Variants in LAMA5 observed in about 807,000 individuals in gnomAD.
LAMA5 encodes laminin subunit alpha 5.
In LAMA5, 260 loss-of-function variants were observed where a neutral mutation model predicts 433.4. The observed-to-expected ratio is 0.60, with a 90% confidence interval of 0.54 to 0.66. The LOEUF (loss-of-function observed/expected upper bound fraction) is 0.66. Ranked by LOEUF, LAMA5 falls within the 30% of genes least tolerant of loss-of-function variation. The probability of loss-of-function intolerance (pLI) is 0.00; values close to 1 mark genes in which losing one functional copy is unlikely to be tolerated. For missense variants in LAMA5, 5,378 were observed against 5,258.5 expected (o/e 1.02, Z -0.70); for synonymous variants, 2,620 against 2,226.6 (o/e 1.18, Z -4.97).
Position 62,327,258 on chromosome 20 carries a change from G to A in LAMA5, c.5087C>T (p.Ala1696Val). Residue 1696 changes from alanine (A) to valine (V), a missense_variant, in exon 38 of 80, where the codon GCC becomes GTC. By Grantham distance (64) the Ala-to-Val change is moderately conservative. Coordinates refer to ENST00000252999, the MANE Select transcript of LAMA5 (RefSeq NM_005560.6). ...CCGGTCCCCCAGGTAGGAGGGTGGG[G>A]CCTGCCAGTACAGCTCGGGGAAAGC... ...PEAFPELYWQAPPSYLGDRVS... is the reference protein window; with the variant it reads ...PEAFPELYWQVPPSYLGDRVS... 1 of 1,529,338 alleles carries A rather than the reference G, an allele frequency of 6.5e-7. No homozygotes were observed. The highest frequency in any genetic ancestry group is 8.8e-7 in the Non-Finnish European group (1 of 1,140,052). 94.7% of individuals were successfully genotyped at this position (1,529,338 alleles called of 1,614,324 possible).
rs772731040 is a variant in LAMA5 at position 62,362,491 on chromosome 20, G to A, written c.359C>T (p.Ala120Val). ...CCACCAGCGCTCCGTGCCATCGATG[G>A]CATTGCTCGCGGGGTGTGCCTTGTT... The part of the protein sequence containing the change: ...NSNKAHPASN[A>V]IDGTERWWQS... The change falls in exon 2 of 80, where the codon GCC (alanine) becomes GTC (valine). Residue 120 changes from alanine to valine, a missense_variant. Ala to Val is a moderately conservative substitution (Grantham distance 64). Transcript: ENST00000252999. The A allele has an allele frequency of 2.5e-6, 4 of 1,605,054 alleles. No individual in the cohort carries two copies. The South Asian group carries it at 3.3e-5, about 13-fold the overall frequency.
chr20:62,326,709 G>C lies in LAMA5; in HGVS notation c.5266C>G (p.His1756Asp), dbSNP rs747782147. The change falls in exon 40 of 80, where the codon CAC becomes GAC. Residue 1756 changes from histidine (H) to aspartate (D), a missense_variant. Transcript: ENST00000252999. ...AGCTGCAGCTGCCCACGGTGAACGT[G>C]GCCAGGCGTGGGGTATGCCGGCTCC... ...FLEPAYPTPG[H>D]VHRGQLQLVE... 24 of 1,612,754 alleles carry C rather than the reference G, an allele frequency of 1.5e-5. No homozygotes were observed. Among genetic ancestry groups the C allele is most frequent in the Middle Eastern group, 1.6e-4 (1 of 6,068 alleles).
rs1040861513 is a variant in LAMA5 at position 62,328,906 on chromosome 20, T to C, written c.4385A>G (p.His1462Arg). 4.3e-6 allele frequency: 7 copies of C among 1,611,602 alleles called. No homozygotes were observed. The highest frequency in any genetic ancestry group is 1.1e-5 in the South Asian group (1 of 90,988). Residue 1462 changes from histidine to arginine, a missense_variant, in exon 34 of 80, where the codon CAT becomes CGT. By Grantham distance (29) the His-to-Arg change is conservative (BLOSUM62 0). Coordinates refer to ENST00000252999, the MANE Select transcript of LAMA5 (RefSeq NM_005560.6). Reference sequence around the variant, plus strand: ...GCGGGAGCAGTCACGGCCAATGACATGGGCATGGCAGGGACACTGGCCCCC... The same window carrying C: ...GCGGGAGCAGTCACGGCCAATGACACGGGCATGGCAGGGACACTGGCCCCC... ...PFGGQCPCHA[H>R]VIGRDCSRCA...
chr20:62,337,207 CTT>C (rs1981799692), intron 16 of LAMA5, among the ~76,000 whole-genome samples: 1 of 135,614 alleles, frequency 7.4e-6, no homozygotes, highest in East Asian at 2.1e-4. Context: ...CGCGCACCCA[CTT>C]ATGCGACACG....
At chr20:62,348,763 GC>G (rs970677639) in intron 6 of LAMA5, among the ~76,000 whole-genome samples, 205 of 152,260 alleles carry the variant, frequency 1.3e-3, no homozygotes, top group African/African-American at 4.5e-3. Flanking sequence ...GGGCTAAACA[GC>G]AGACAGACAC....
At position 62,323,515 on chromosome 20, in the gene LAMA5, C is replaced by T. The variant is rs757738512; in HGVS notation, c.6005G>A (p.Arg2002His). 106 of 1,568,788 alleles carry T rather than the reference C, an allele frequency of 6.8e-5. No individual in the cohort carries two copies. Among genetic ancestry groups the T allele is most frequent in the Admixed American group, 5.6e-4 (29 of 51,632 alleles). The change falls in exon 45 of 80, where the codon CGC becomes CAC. Residue 2002 changes from arginine (R) to histidine (H), a missense_variant. By Grantham distance (29) the Arg-to-His change is conservative. Coordinates refer to ENST00000252999, the MANE Select transcript of LAMA5 (RefSeq NM_005560.6). ...GAAGCCGGGGGCACAGATCTCGCAG[C>T]GGGGCCCAGTGGTGTGGCGCAGGCA... ...RGCLRHTTGP[R>H]CEICAPGFYG...
In LAMA5 at chr20:62,337,609, G is replaced by A. The variant is rs1341362559; in HGVS notation, c.2145C>T (p.Tyr715=). The part of the protein sequence containing the change: ...LRCDTCVPGA[Y]NFPYCEAGSC... ...GCTCACCTTCGCAGTAGGGGAAGTT[G>A]TAGGCACCGGGCACACATGTGTCAC... The change falls in exon 16 of 80, where the codon TAC becomes TAT. Residue 715 remains tyrosine, a synonymous_variant. Transcript: ENST00000252999. 8 of 1,610,134 alleles carry A rather than the reference G, an allele frequency of 5.0e-6. No individual in the cohort carries two copies. Among genetic ancestry groups the A allele is most frequent in the Non-Finnish European group, 6.8e-6 (8 of 1,178,868 alleles).
Position 62,320,682 on chromosome 20 carries a change from A to G in LAMA5, c.6649-13T>C, listed in dbSNP as rs6089346. The G allele has an allele frequency of 0.93, 1,493,747 of 1,610,986 alleles. 694,930 individuals are homozygous for G. The highest frequency in any genetic ancestry group is 0.98 in the East Asian group (44,137 of 44,836). On this transcript the variant is annotated splice_polypyrimidine_tract_variant and intron_variant, in intron 49 of 79. Coordinates refer to ENST00000252999, the MANE Select transcript of LAMA5 (RefSeq NM_005560.6). ...TCCGGAGCTGGCTCTGTGGGAGGCGAAAGGTGAAGGCCTGCACTGGCCCGG... is the reference window on the plus strand; with the variant it reads ...TCCGGAGCTGGCTCTGTGGGAGGCGGAAGGTGAAGGCCTGCACTGGCCCGG...
At position 62,309,324 on chromosome 20, in the gene LAMA5, G is replaced by T. The variant is rs771406966; in HGVS notation, c.*12C>A. Reference sequence around the variant, plus strand: ...TGCAGGGGCCTGACCAGGGGCCGGGGTTGGCTGTGTCCTAGGCGGCTGGGC... The same window carrying T: ...TGCAGGGGCCTGACCAGGGGCCGGGTTTGGCTGTGTCCTAGGCGGCTGGGC... On this transcript the variant is annotated 3_prime_UTR_variant, in exon 80 of 80. Coordinates refer to ENST00000252999, the MANE Select transcript of LAMA5 (RefSeq NM_005560.6). The T allele has an allele frequency of 6.3e-7, 1 of 1,591,082 alleles. No homozygotes were observed. The highest frequency in any genetic ancestry group is 1.7e-5 in the Admixed American group (1 of 59,280).
Position 62,324,170 on chromosome 20 carries a change from T to C in LAMA5, c.5678A>G (p.Glu1893Gly). Residue 1893 changes from glutamate to glycine, a missense_variant, in exon 43 of 80, where the codon GAG (glutamate) becomes GGG (glycine). Transcript: ENST00000252999. The surrounding 1 kb of genome is among the most constrained non-coding windows in gnomAD (Gnocchi z 4.4). Reference protein sequence around the residue: ...CQHNTEGAHCERCQAGFVSSR... With the variant: ...CQHNTEGAHCGRCQAGFVSSR... ...GCTCACGAAGCCAGCCTGGCAGCGCTCACAGTGGGCCCCTTCGGTGTTGTG... is the reference window on the plus strand; with the variant it reads ...GCTCACGAAGCCAGCCTGGCAGCGCCCACAGTGGGCCCCTTCGGTGTTGTG... The C allele has an allele frequency of 1.3e-6, 2 of 1,564,442 alleles. No homozygotes were observed. Among genetic ancestry groups the C allele is most frequent in the Non-Finnish European group, 1.7e-6 (2 of 1,164,824 alleles).
At chr20:62,345,087 G>C (rs1400909123) in intron 11 of LAMA5, among the ~76,000 whole-genome samples, 2 of 151,938 alleles carry the variant, frequency 1.3e-5, no homozygotes, top group Non-Finnish European at 2.9e-5. Flanking sequence ...GTGCAATCTC[G>C]GCTCACAGCA....
In LAMA5 at chr20:62,314,233, G is replaced by A. The variant is rs976920586; in HGVS notation, c.8504+71C>T. 6 of 1,546,210 alleles carry A rather than the reference G, an allele frequency of 3.9e-6. No individual in the cohort carries two copies. The African/African-American group carries it at 4.1e-5, about 10-fold the overall frequency. Reference sequence around the variant, plus strand: ...GTGAAGGGTGGTGGGTGCACACGGAGAGGGGAGAGATGGCGAACGGGCAAG... The same window carrying A: ...GTGAAGGGTGGTGGGTGCACACGGAAAGGGGAGAGATGGCGAACGGGCAAG... On this transcript the variant is annotated intron_variant, in intron 62 of 79. Transcript: ENST00000252999.
chr20:62,347,415 A>C (rs1027936851), intron 6 of LAMA5, among the ~76,000 whole-genome samples: 1 of 152,098 alleles, frequency 6.6e-6, no homozygotes, highest in Non-Finnish European at 1.5e-5. Flanking sequence ...GCGTTCTCCA[A>C]AACTGAGTTA....
At position 62,354,280 on chromosome 20, in the gene LAMA5, A is replaced by G. The variant is rs552066279; in HGVS notation, c.451-1029T>C. On this transcript the variant is annotated intron_variant, in intron 2 of 79. Transcript: ENST00000252999. ...CCCAGGCCCAGGCCCTTCTCTCCGC[A>G]CAGGCCAGGCCTGCTGACTCCCCTC... is the stretch of plus-strand genomic sequence containing the variant. Among the ~76,000 whole-genome samples the G allele has an allele frequency of 2.0e-5, 3 of 151,052 alleles. No individual in the cohort carries two copies. The South Asian group carries it at 6.3e-4, about 32-fold the overall frequency.
intron 11 of LAMA5, among the ~76,000 whole-genome samples, chr20:62,343,786 A>AAAAAAAAAAAG (rs1172744330): frequency 1.4e-5 from 2 of 147,598 alleles, no homozygotes; most frequent in Non-Finnish European, 3.0e-5. Flanking sequence ...AAAAAAAAAA[A>AAAAAAAAAAAG]AAGAAAGCAC....
chr20:62,330,276 G>A (rs1392428989), intron 31 of LAMA5, among the ~76,000 whole-genome samples: 2 of 152,254 alleles, frequency 1.3e-5, no homozygotes, highest in Non-Finnish European at 2.9e-5. Flanking sequence ...GCTTCCCAAC[G>A]CACGAGACAG....
Position 62,338,039 on chromosome 20 carries a change from T to C in LAMA5, c.1868A>G (p.Tyr623Cys). 1.2e-6 allele frequency: 2 copies of C among 1,600,692 alleles called. No homozygotes were observed. The highest frequency in any genetic ancestry group is 1.7e-5 in the Admixed American group (1 of 59,208). Residue 623 changes from tyrosine (Y) to cysteine (C), a missense_variant, in exon 14 of 80, where the codon TAC becomes TGC. Tyr to Cys is a radical substitution (Grantham distance 194, BLOSUM62 -2). Coordinates refer to ENST00000252999, the MANE Select transcript of LAMA5 (RefSeq NM_005560.6). ...GPHCDRCRPG[Y>C]HGFPNCQACT... ...ACCTTGGCAGTTGGGGAAACCATGG[T>C]AGCCAGGGCGGCACCGGTCACAATG...
intron 58 of LAMA5, 61 bp downstream of exon 58, chr20:62,315,887 G>C: frequency 1.6e-6 from 2 of 1,280,928 alleles, no homozygotes. Flanking sequence ...TGTGGCCAGC[G>C]CCACTGTCAC....
At chr20:62,319,162 T>C in intron 51 of LAMA5, 149 bp from the exon 52 acceptor site, 3 of 766,816 alleles carry the variant, frequency 3.9e-6, no homozygotes, top group South Asian at 3.7e-5. Context: ...CTAGAGCACC[T>C]GGCGAAAGGC....
Sources: gnomAD v4.1 joint callset for allele counts (sites outside exome capture counted in the v4.1 genomes callset) on GRCh38, gnomAD v4.1.1 for gene constraint, Gnocchi (gnomAD v3.1) non-coding constraint, MANE v1.5 for transcripts, NCBI Gene and HGNC (gene_info 2026-07-23, HGNC 2026-07-21) for gene names.